Variants in RIPOR3 observed in about 807,000 individuals in gnomAD.
RIPOR3 encodes RIPOR family member 3, also known as family with sequence similarity 65 member C.
Under a neutral mutation model 114.3 loss-of-function variants are expected in RIPOR3, and 95 were observed. That is an observed-to-expected ratio of 0.83 (90% confidence interval 0.70 to 0.99). The LOEUF (loss-of-function observed/expected upper bound fraction) is 0.99, where lower values mean the gene tolerates loss of function less well. Among genes scored for constraint, RIPOR3 ranks in the 50% least tolerant of loss-of-function variants. The pLI, the probability that RIPOR3 is intolerant of heterozygous loss-of-function variation, is 0.00. For synonymous variants in RIPOR3, 575 were observed against 543.8 expected (o/e 1.06, Z -0.80); for missense variants, 1,252 against 1,266.9 (o/e 0.99, Z 0.18).
chr20:50,605,205 T>C (rs556839510), intron 11 of RIPOR3, among the ~76,000 whole-genome samples: 9 of 152,222 alleles, frequency 5.9e-5, no homozygotes, highest in African/African-American at 1.7e-4. Flanking sequence ...AGTGCTGGGA[T>C]TACAGGCCAT....
intron 1 of RIPOR3, among the ~76,000 whole-genome samples, chr20:50,680,994 C>T (rs2086838745): frequency 1.3e-5 from 2 of 151,994 alleles, no homozygotes; most frequent in South Asian, 2.1e-4. Context: ...GGGGCTAAGG[C>T]GGGTGAATCT....
intron 2 of RIPOR3, among the ~76,000 whole-genome samples, chr20:50,623,272 A>G (rs6012978): frequency 0.07 from 10,488 of 150,850 alleles, 870 homozygotes; most frequent in African/African-American, 0.19. Context: ...AAAAAAAAAA[A>G]AAAAAAAGAA....
intron 4 of RIPOR3, among the ~76,000 whole-genome samples, chr20:50,614,108 T>A (rs1246063099): frequency 6.6e-6 from 1 of 152,220 alleles, no homozygotes; most frequent in East Asian, 1.9e-4. Flanking sequence ...CGATCTCACC[T>A]CACTGCATCC....
chr20:50,599,228 C>T (rs2083409720), intron 13 of RIPOR3, among the ~76,000 whole-genome samples: 1 of 152,060 alleles, frequency 6.6e-6, no homozygotes, highest in South Asian at 2.1e-4. Context: ...CCTGTCTCTA[C>T]TAAAAATACA....
At chr20:50,631,811 G>A (rs2084831582) in intron 1 of RIPOR3, among the ~76,000 whole-genome samples, 1 of 152,204 alleles carries the variant, frequency 6.6e-6, no homozygotes, top group African/African-American at 2.4e-5. Flanking sequence ...GGGAATATAG[G>A]TCAGCATCTT....
intron 1 of RIPOR3, among the ~76,000 whole-genome samples, chr20:50,668,000 C>T (rs1008789047): frequency 2.6e-5 from 4 of 152,088 alleles, no homozygotes; most frequent in Admixed American, 6.6e-5. Context: ...ACAGTGTCAG[C>T]GTCCATGGCC....
At position 50,589,741 on chromosome 20, in the gene RIPOR3, G is replaced by A. The variant is rs1601432857; in HGVS notation, c.2606C>T (p.Ala869Val). The A allele has an allele frequency of 6.2e-7, 1 of 1,613,658 alleles. No individual in the cohort carries two copies. Among genetic ancestry groups the A allele is most frequent in the South Asian group, 1.1e-5 (1 of 91,022 alleles). Residue 869 changes from alanine to valine, a missense_variant, in exon 20 of 22, where the codon GCA becomes GTA. Physicochemically the swap from Ala to Val is moderately conservative, Grantham distance 64. Coordinates refer to ENST00000327979, the MANE Select transcript of RIPOR3 (RefSeq NM_001290268.2). The stretch of plus-strand genomic sequence containing the variant: ...CTGCTGGAGCCTTGCGTCGTTCTCT[G>A]CCAGGGCGTTGGTGTAGAACAGCAA... ...KALLFYTNAL[A>V]ENDARLQQAA... is the part of the protein sequence containing the mutation.
chr20:50,665,460 G>T (rs193290873), intron 1 of RIPOR3, among the ~76,000 whole-genome samples: 1 of 115,102 alleles, frequency 8.7e-6, no homozygotes, highest in African/African-American at 3.2e-5. Context: ...TCGCCCTGTC[G>T]CCCAGGCTGG....
At chr20:50,686,363 C>T (rs910171492) in intron 1 of RIPOR3, among the ~76,000 whole-genome samples, 9 of 152,038 alleles carry the variant, frequency 5.9e-5, no homozygotes, top group African/African-American at 9.7e-5. Context: ...GCCAAGACAA[C>T]GGGCTCTTAA....
intron 19 of RIPOR3, chr20:50,590,007 A>G: frequency 4.8e-6 from 2 of 418,742 alleles, no homozygotes; most frequent in Middle Eastern, 7.3e-4. Flanking sequence ...GAAGAAAGCT[A>G]TTTTTGTCTA....
At chr20:50,628,760 A>T (rs2084713689) in intron 2 of RIPOR3, among the ~76,000 whole-genome samples, 1 of 152,122 alleles carries the variant, frequency 6.6e-6, no homozygotes, top group Non-Finnish European at 1.5e-5. Context: ...GTGCTCCGTG[A>T]ATATCTGCTG....
chr20:50,615,768 C>T (rs1002058713), intron 4 of RIPOR3, among the ~76,000 whole-genome samples: 1 of 152,126 alleles, frequency 6.6e-6, no homozygotes, highest in Non-Finnish European at 1.5e-5. Flanking sequence ...CCATACACTG[C>T]CCACCTTAGC....
intron 1 of RIPOR3, among the ~76,000 whole-genome samples, chr20:50,634,021 G>A (rs1191165166): frequency 1.7e-5 from 2 of 117,192 alleles, no homozygotes; most frequent in Admixed American, 1.1e-4. Flanking sequence ...TGACTCTATT[G>A]CCCAGGCTGG....
chr20:50,651,734 C>A (rs1050481034), intron 1 of RIPOR3, among the ~76,000 whole-genome samples: 7 of 152,156 alleles, frequency 4.6e-5, no homozygotes, highest in African/African-American at 1.7e-4. Context: ...ATCGTAAGGA[C>A]ACATAGTAAT....
rs1036111827 is a variant in RIPOR3 at position 50,691,281 on chromosome 20, G to C, written c.-153C>G. The C allele has an allele frequency of 7.1e-6, 7 of 986,898 alleles. No homozygotes were observed. In the African/African-American group the frequency reaches 1.0e-4, roughly 14 times the overall value. 61.1% of individuals were successfully genotyped at this position (986,898 alleles called of 1,614,324 possible). A position where few individuals can be genotyped will look rare whatever the true frequency, so the allele number is the denominator to read the frequency against. ...CAAATTCCATCCACACTGGCCACCA[G>C]CCGCTGGTCCCGCTCTCTGGGAAGA... On this transcript the variant is annotated 5_prime_UTR_variant, in exon 1 of 22. Transcript: ENST00000327979.
At chr20:50,681,252 AG>A (rs1456812282) in intron 1 of RIPOR3, among the ~76,000 whole-genome samples, 1 of 126,146 alleles carries the variant, frequency 7.9e-6, no homozygotes. Context: ...AGAAAAGAAA[AG>A]AAAAGAAACA....
rs1251182468 is a variant in RIPOR3, at chr20:50,609,822, A to G, written c.427-100T>C. 3.1e-6 allele frequency: 4 copies of G among 1,302,828 alleles called. No homozygotes were observed. In the Admixed American group the frequency reaches 1.1e-4, roughly 36 times the overall value. 80.7% of individuals were successfully genotyped at this position (1,302,828 alleles called of 1,614,324 possible). A position where few individuals can be genotyped will look rare whatever the true frequency, so the allele number is the denominator to read the frequency against. On this transcript the variant is annotated intron_variant, in intron 6 of 21. Transcript: ENST00000327979. ...CTCTGGGAGAGGCCCTCCCTGAGCT[A>G]AGCACCCCGCTAGCCCAGCCCATGG...
At chr20:50,676,517 T>G (rs1234380773) in intron 1 of RIPOR3, among the ~76,000 whole-genome samples, 1 of 152,018 alleles carries the variant, frequency 6.6e-6, no homozygotes, top group Non-Finnish European at 1.5e-5. Flanking sequence ...CCAGACATGG[T>G]GGTGCATGCC....
intron 1 of RIPOR3, 114 bp from the exon 2 acceptor site, chr20:50,630,970 T>C (rs1328648855): frequency 2.4e-6 from 2 of 816,790 alleles, no homozygotes; most frequent in African/African-American, 1.7e-5. Context: ...CAGAGTGTTG[T>C]GGGGGCTGGT....
Sources: gnomAD v4.1 joint callset for allele counts (sites outside exome capture counted in the v4.1 genomes callset) on GRCh38, gnomAD v4.1.1 for gene constraint, MANE v1.5 for transcripts, NCBI Gene and HGNC (gene_info 2026-07-23, HGNC 2026-07-21) for gene names.